ATP4B: variants seen among roughly 807,000 people sequenced by gnomAD.
The protein encoded by ATP4B is potassium-transporting ATPase subunit beta.
A neutral mutation model predicts 35.3 loss-of-function variants in ATP4B; 27 were observed. The observed-to-expected ratio is 0.76, with a 90% CI of 0.56 to 1.05. The LOEUF is 1.05. ATP4B is among the 50% of genes least tolerant of loss of function. ATP4B has a pLI of 0.00. For synonymous variants in ATP4B, 162 were observed against 156.0 expected, an observed-to-expected ratio of 1.04 and a Z score of -0.29; for missense variants, 375 against 384.8, an observed-to-expected ratio of 0.97 and a Z score of 0.21.
intron 2 of ATP4B, 131 bp from the exon 3 acceptor site, chr13:113,653,565 C>A: frequency 1.4e-6 from 1 of 706,506 alleles, no homozygotes; most frequent in South Asian, 1.8e-5. Context: ...AAACTGTCTG[C>A]AGCACAGGAA....
At chr13:113,656,099 G>A (rs553568524) in intron 1 of ATP4B, among the ~76,000 whole-genome samples, 3 of 152,330 alleles carry the variant, frequency 2.0e-5, no homozygotes, top group South Asian at 4.1e-4. Flanking sequence ...TTCAGCCTCC[G>A]GTTTTGAGTT....
In ATP4B at chr13:113,653,071, G is replaced by C; in HGVS notation, c.357C>G (p.Gly119=). The change falls in exon 4 of 7, where the codon GGC becomes GGG. Residue 119 remains glycine, a splice_region_variant and synonymous_variant. Transcript: ENST00000335288. ...TGTCCTCCTGGGCTGCTGGAGAGTAGCCTGCAGACGGACGCACCTGCCAGC... is the reference window on the plus strand; with the variant it reads ...TGTCCTCCTGGGCTGCTGGAGAGTACCCTGCAGACGGACGCACCTGCCAGC... ...LTQTLHAFLA[G]YSPAAQEDSI... is the part of the protein sequence containing the mutation. 6.2e-7 allele frequency: 1 copy of C among 1,606,984 alleles called. No individual in the cohort carries two copies. Among genetic ancestry groups the C allele is most frequent in the Non-Finnish European group, 8.5e-7 (1 of 1,174,660 alleles).
At position 113,650,327 on chromosome 13, in the gene ATP4B, G is replaced by A; in HGVS notation, c.714+79C>T. ...CTTTGTTTCATTTTTCTACATGAAG[G>A]GGCTTATTGCTTTCCTTTCGCTAAG... On this transcript the variant is annotated intron_variant, in intron 6 of 6. Transcript: ENST00000335288. The surrounding 1 kb of genome is among the most constrained non-coding windows in gnomAD (Gnocchi z 5.0). The A allele has an allele frequency of 7.5e-7, 1 of 1,327,234 alleles. No homozygotes were observed. The highest frequency in any genetic ancestry group is 1.1e-6 in the Non-Finnish European group (1 of 926,202). 82.2% of individuals were successfully genotyped at this position (1,327,234 alleles called of 1,614,324 possible).
chr13:113,655,387 G>A (rs549058337), intron 1 of ATP4B, among the ~76,000 whole-genome samples: 1 of 152,224 alleles, frequency 6.6e-6, no homozygotes, highest in Non-Finnish European at 1.5e-5. Flanking sequence ...GCCTGGAAGT[G>A]CATGGCCGGT....
chr13:113,652,958 T>G lies in ATP4B; in HGVS notation c.470A>C (p.Asp157Ala), dbSNP rs766611988. The G allele has an allele frequency of 6.8e-6, 11 of 1,614,070 alleles. No homozygotes were observed. The highest frequency in any genetic ancestry group is 9.3e-6 in the Non-Finnish European group (11 of 1,180,036). The change falls in exon 4 of 7, where the codon GAT (aspartate) becomes GCT (alanine). Residue 157 changes from aspartate (D) to alanine (A), a missense_variant. Coordinates refer to ENST00000335288, the MANE Select transcript of ATP4B (RefSeq NM_000705.4). ...CAGGCCTGAGCAGTTCTGCAGCATA[T>G]CTGCCGTGAACTTGCAGGAGAACTT... ...HTKFSCKFTADMLQNCSGLAD... is the reference protein window; with the variant it reads ...HTKFSCKFTAAMLQNCSGLAD...
intron 4 of ATP4B, 130 bp downstream of exon 4, chr13:113,652,743 G>T: frequency 9.6e-7 from 1 of 1,043,942 alleles, no homozygotes; most frequent in Non-Finnish European, 1.5e-6. Context: ...GTACAGGGTG[G>T]TGAGGCTGGA....
chr13:113,651,619 C>T (rs1429281987), intron 5 of ATP4B, 52 bp downstream of exon 5: 1 of 1,533,992 alleles, frequency 6.5e-7, no homozygotes, highest in Non-Finnish European at 8.8e-7. Context: ...CAGCACGACC[C>T]TGACAAGCTC....
chr13:113,654,665 T>C, intron 2 of ATP4B, 149 bp downstream of exon 2: 1 of 1,270,968 alleles, frequency 7.9e-7, no homozygotes, highest in Non-Finnish European at 1.1e-6. Context: ...GGGCACCTGC[T>C]GGGGTGTGTG....
chr13:113,649,651 T>A lies in ATP4B; in HGVS notation c.715-116A>T. On this transcript the variant is annotated intron_variant, in intron 6 of 6. Transcript: ENST00000335288. This position sits in a 1 kb window ranked among gnomAD's most constrained non-coding sequence, Gnocchi z 4.7. ...GGTGCAGAGAAGCAGCTCTTTTGTG[T>A]AAGACTGGCCCTGACCGAGTGCATG... is the stretch of plus-strand genomic sequence containing the variant. The A allele has an allele frequency of 1.6e-6, 2 of 1,234,434 alleles. No individual in the cohort carries two copies. Among genetic ancestry groups the A allele is most frequent in the African/African-American group, 1.6e-5 (1 of 63,852 alleles). The allele number at this position is 1,234,434 out of a possible 1,614,324, so 76.5% of individuals were successfully genotyped here. A position where few individuals can be genotyped will look rare whatever the true frequency, so the allele number is the denominator to read the frequency against.
At chr13:113,653,271 C>T (rs1566688678) in intron 3 of ATP4B, 50 bp downstream of exon 3, 1 of 1,561,548 alleles carries the variant, frequency 6.4e-7, no homozygotes, top group Admixed American at 1.7e-5. Flanking sequence ...CGCCGCTTCA[C>T]ACCTCACCCA....
In ATP4B at chr13:113,658,076, G is replaced by A. The variant is rs779887879; in HGVS notation, c.69C>T (p.Asn23=). The part of the protein sequence containing the change: ...RMEEFQRYCW[N]PDTGQMLGRT... Reference sequence around the variant, plus strand: ...GGCCCAGCATCTGCCCCGTGTCCGGGTTCCAGCAGTAACGCTGGAACTCCT... The same window carrying A: ...GGCCCAGCATCTGCCCCGTGTCCGGATTCCAGCAGTAACGCTGGAACTCCT... Residue 23 remains asparagine (N), a synonymous_variant, in exon 1 of 7, where the codon AAC becomes AAT. Coordinates refer to ENST00000335288, the MANE Select transcript of ATP4B (RefSeq NM_000705.4). 1.2e-6 allele frequency: 2 copies of A among 1,611,408 alleles called. No individual in the cohort carries two copies. The highest frequency in any genetic ancestry group is 1.7e-6 in the Non-Finnish European group (2 of 1,179,412).
Position 113,650,503 on chromosome 13 carries a change from T to C in ATP4B, c.617A>G (p.Gln206Arg). ...CAGCGGCTGGCCGAGCTCGCGGGGCTGGTCCTGGGGAGGAGAGGCCACTGC... is the reference window on the plus strand; with the variant it reads ...CAGCGGCTGGCCGAGCTCGCGGGGCCGGTCCTGGGGAGGAGAGGCCACTGC... ...APRVDCAFLDQPRELGQPLQV... is the reference protein window; with the variant it reads ...APRVDCAFLDRPRELGQPLQV... Residue 206 changes from glutamine to arginine, a missense_variant, in exon 6 of 7, where the codon CAG becomes CGG. Gln to Arg is a conservative substitution (Grantham distance 43, BLOSUM62 1). Coordinates refer to ENST00000335288, the MANE Select transcript of ATP4B (RefSeq NM_000705.4). This position sits in a 1 kb window ranked among gnomAD's most constrained non-coding sequence, Gnocchi z 5.0. 6.2e-7 allele frequency: 1 copy of C among 1,611,802 alleles called. No individual in the cohort carries two copies. The highest frequency in any genetic ancestry group is 8.5e-7 in the Non-Finnish European group (1 of 1,178,762).
chr13:113,650,380 G>T lies in ATP4B; in HGVS notation c.714+26C>A, dbSNP rs1251562670. 15 of 1,598,898 alleles carry T rather than the reference G, an allele frequency of 9.4e-6. No homozygotes were observed. Among genetic ancestry groups the T allele is most frequent in the Non-Finnish European group, 1.3e-5 (15 of 1,166,498 alleles). On this transcript the variant is annotated intron_variant, in intron 6 of 6. Transcript: ENST00000335288. The surrounding 1 kb of genome is among the most constrained non-coding windows in gnomAD (Gnocchi z 5.0). ...TGAGAGGACTCAGCAGCTGTGGTGAGGGAAGCGTGGAAGGAAGGAACCTAC... is the reference window on the plus strand; with the variant it reads ...TGAGAGGACTCAGCAGCTGTGGTGATGGAAGCGTGGAAGGAAGGAACCTAC...
rs756315660 is a variant in ATP4B, at chr13:113,649,612, T to TC, written c.715-78dup. 3 of 1,423,910 alleles carry TC rather than the reference T, an allele frequency of 2.1e-6. No individual in the cohort carries two copies. Among genetic ancestry groups the TC allele is most frequent in the Non-Finnish European group, 2.8e-6 (3 of 1,078,484 alleles). The allele number at this position is 1,423,910 out of a possible 1,614,324, so 88.2% of individuals were successfully genotyped here. A position where few individuals can be genotyped will look rare whatever the true frequency, so the allele number is the denominator to read the frequency against. Reference sequence around the variant, plus strand: ...GGAGAGAAAACTAAGCAAGGAAGTGTCAACAGTCAGGTTGGTGCAGAGAAG... The same window carrying TC: ...GGAGAGAAAACTAAGCAAGGAAGTGTCCAACAGTCAGGTTGGTGCAGAGAAG... On this transcript the variant is annotated intron_variant, in intron 6 of 6. Coordinates refer to ENST00000335288, the MANE Select transcript of ATP4B (RefSeq NM_000705.4). The surrounding 1 kb of genome is among the most constrained non-coding windows in gnomAD (Gnocchi z 4.7).
intron 1 of ATP4B, among the ~76,000 whole-genome samples, chr13:113,657,017 T>C (rs1249240253): frequency 6.6e-6 from 1 of 152,226 alleles, no homozygotes; most frequent in Non-Finnish European, 1.5e-5. Context: ...CTACTTCAAA[T>C]GCGCCCATGA....
Position 113,649,503 on chromosome 13 carries a change from C to T in ATP4B, c.747G>A (p.Lys249=), listed in dbSNP as rs1204969781. 1.9e-6 allele frequency: 3 copies of T among 1,544,320 alleles called. No individual in the cohort carries two copies. The highest frequency in any genetic ancestry group is 2.6e-6 in the Non-Finnish European group (3 of 1,140,868). Residue 249 remains lysine, a synonymous_variant, in exon 7 of 7, where the codon AAG becomes AAA. Transcript: ENST00000335288. This position sits in a 1 kb window ranked among gnomAD's most constrained non-coding sequence, Gnocchi z 4.7. The part of the protein sequence containing the change: ...PHYSNPLVAA[K]LLNIPRNAEV... ...CAGCGTTCCTGGGGATGTTGAGGAG[C>T]TTCGCTGCCACCAGGGGGTTGCTGT...
At position 113,654,872 on chromosome 13, in the gene ATP4B, C is replaced by G. The variant is rs746443778; in HGVS notation, c.183G>C (p.Val61=). Residue 61 remains valine (V), a synonymous_variant, in exon 2 of 7, where the codon GTG becomes GTC. Transcript: ENST00000335288. ...TGTACGGGTCCACTGTCTGCATCAG[C>G]ACATAGAGGCACAGGGCGAAGAGCC... is the stretch of plus-strand genomic sequence containing the variant. The part of the protein sequence containing the change: ...MTGLFALCLY[V]LMQTVDPYTP... The G allele has an allele frequency of 1.9e-6, 3 of 1,614,222 alleles. No homozygotes were observed. Among genetic ancestry groups the G allele is most frequent in the Non-Finnish European group, 2.5e-6 (3 of 1,180,040 alleles).
chr13:113,654,627 C>A (rs758009660), intron 2 of ATP4B, among the ~76,000 whole-genome samples, 187 bp downstream of exon 2: 4 of 152,252 alleles, frequency 2.6e-5, no homozygotes, highest in Admixed American at 2.6e-4. Context: ...CTCTTAAAGC[C>A]GGTTCAGGGG....
rs1452785237 is a variant in ATP4B at position 113,649,884 on chromosome 13, T to A, written c.715-349A>T. Among the ~76,000 whole-genome samples, 3 of 152,170 alleles carry A rather than the reference T, an allele frequency of 2.0e-5. No individual in the cohort carries two copies. The highest frequency in any genetic ancestry group is 7.2e-5 in the African/African-American group (3 of 41,430). On this transcript the variant is annotated intron_variant, in intron 6 of 6. Coordinates refer to ENST00000335288, the MANE Select transcript of ATP4B (RefSeq NM_000705.4). The surrounding 1 kb of genome is among the most constrained non-coding windows in gnomAD (Gnocchi z 4.7). ...GATCTGGGAAGTAGAAAAATTAGGCTGGGCGCAGTGGCTCATGCCTGTAAT... is the reference window on the plus strand; with the variant it reads ...GATCTGGGAAGTAGAAAAATTAGGCAGGGCGCAGTGGCTCATGCCTGTAAT...
Sources: allele counts gnomAD v4.1 joint callset (sites outside exome capture counted in the v4.1 genomes callset), GRCh38; gene constraint gnomAD v4.1.1; non-coding constraint Gnocchi (gnomAD v3.1); transcripts MANE v1.5; gene names NCBI Gene and HGNC (gene_info 2026-07-23, HGNC 2026-07-21).